The following SLC14A2 variants were observed in gnomAD, a reference collection of about 807,000 sequenced individuals.
The protein encoded by SLC14A2 is solute carrier family 14 member 2, also known as urea transporter 2.
SLC14A2 carries 91 observed loss-of-function variants against 104.6 expected under a neutral mutation model. The ratio of observed to expected loss-of-function variants is 0.87; its 90% CI spans 0.73 to 1.04. SLC14A2 has a LOEUF of 1.04. Ranked by LOEUF, SLC14A2 falls within the 50% of genes least tolerant of loss-of-function variation. SLC14A2 has a pLI of 0.00. For synonymous variants in SLC14A2, 476 were observed against 466.4 expected (o/e 1.02, Z -0.27); for missense variants, 1,189 against 1,156.0 (o/e 1.03, Z -0.41).
intron 2 of SLC14A2, among the ~76,000 whole-genome samples, chr18:45,524,145 A>C (rs2043557979): frequency 6.6e-6 from 1 of 152,202 alleles, no homozygotes; most frequent in African/African-American, 2.4e-5. Context: ...GTGGGTGCTC[A>C]ATAAGTGATC....
chr18:45,555,324 A>G (rs999474287), intron 2 of SLC14A2, among the ~76,000 whole-genome samples: 5 of 152,208 alleles, frequency 3.3e-5, no homozygotes, highest in Non-Finnish European at 7.3e-5. Flanking sequence ...TGACTTAACA[A>G]TGGTTTGACT....
At chr18:45,322,692 TCC>T (rs1391132219) in intron 1 of SLC14A2, among the ~76,000 whole-genome samples, 1 of 152,230 alleles carries the variant, frequency 6.6e-6, no homozygotes, top group East Asian at 1.9e-4. Context: ...AGGTATCTGG[TCC>T]ATTCCTCTCC....
chr18:45,385,528 A>G (rs2085886020), intron 1 of SLC14A2, among the ~76,000 whole-genome samples: 1 of 152,208 alleles, frequency 6.6e-6, no homozygotes, highest in Admixed American at 6.5e-5. Flanking sequence ...AAAACACAAT[A>G]GAGGGAGAGT....
chr18:45,254,733 G>T (rs1307092029), intron 1 of SLC14A2, among the ~76,000 whole-genome samples: 4 of 152,208 alleles, frequency 2.6e-5, no homozygotes, highest in East Asian at 3.9e-4. Context: ...AGTGGGGTGT[G>T]GGGGACCGTA....
chr18:45,284,408 C>T (rs761620371), intron 1 of SLC14A2, among the ~76,000 whole-genome samples: 1 of 152,108 alleles, frequency 6.6e-6, no homozygotes, highest in Admixed American at 6.5e-5. Context: ...TGTTTCTCCC[C>T]TCTCTGTGTT....
chr18:45,433,371 T>TCTTCC (rs1384435850), intron 1 of SLC14A2, among the ~76,000 whole-genome samples: 1 of 152,222 alleles, frequency 6.6e-6, no homozygotes. Context: ...CTACGTCCAC[T>TCTTCC]CTTCCCTTAT....
At chr18:45,445,679 AC>A (rs1197798267) in intron 1 of SLC14A2, among the ~76,000 whole-genome samples, 1 of 152,230 alleles carries the variant, frequency 6.6e-6, no homozygotes, top group Non-Finnish European at 1.5e-5. Flanking sequence ...TAGTGGCCCA[AC>A]AAGCTACAGA....
chr18:45,469,438 G>A (rs1354170100), intron 1 of SLC14A2, among the ~76,000 whole-genome samples: 2 of 152,178 alleles, frequency 1.3e-5, no homozygotes, highest in Non-Finnish European at 2.9e-5. Context: ...CAGAGAAGAG[G>A]AGCTCAGGGA....
intron 2 of SLC14A2, among the ~76,000 whole-genome samples, chr18:45,547,044 T>A (rs1462371629): frequency 6.6e-6 from 1 of 152,142 alleles, no homozygotes; most frequent in Non-Finnish European, 1.5e-5. Flanking sequence ...CAGAGAGCAC[T>A]TTTTAAACTC....
At chr18:45,499,914 T>C (rs958932945) in intron 2 of SLC14A2, among the ~76,000 whole-genome samples, 10 of 152,174 alleles carry the variant, frequency 6.6e-5, no homozygotes, top group Admixed American at 1.3e-4. Context: ...CTTCTTTGTC[T>C]CTCTCCACGT....
At chr18:45,581,332 G>T (rs2044488867) in intron 2 of SLC14A2, among the ~76,000 whole-genome samples, 1 of 152,184 alleles carries the variant, frequency 6.6e-6, no homozygotes, top group East Asian at 1.9e-4. Context: ...GGGACCCAGG[G>T]TCCTAGAGAG....
intron 1 of SLC14A2, among the ~76,000 whole-genome samples, chr18:45,383,794 C>A (rs1356950210): frequency 1.3e-5 from 2 of 152,090 alleles, no homozygotes; most frequent in East Asian, 1.9e-4. Flanking sequence ...TGAAAAATAA[C>A]CTTGCATGGC....
chr18:45,505,085 C>G (rs2043261092), intron 2 of SLC14A2, among the ~76,000 whole-genome samples: 1 of 152,074 alleles, frequency 6.6e-6, no homozygotes, highest in Admixed American at 6.5e-5. Context: ...TAAAGTGACT[C>G]TAGGATCAAA....
chr18:45,246,001 G>A (rs1400682715), intron 1 of SLC14A2, among the ~76,000 whole-genome samples: 1 of 151,366 alleles, frequency 6.6e-6, no homozygotes, highest in East Asian at 2.0e-4. Context: ...ATGGGGTTAT[G>A]GACTGAATTG....
intron 1 of SLC14A2, among the ~76,000 whole-genome samples, chr18:45,471,571 T>C (rs1200688592): frequency 6.6e-6 from 1 of 152,180 alleles, no homozygotes; most frequent in Non-Finnish European, 1.5e-5. Flanking sequence ...TATTTTATCT[T>C]CCATTTCTAT....
At chr18:45,358,839 A>C (rs1485238791) in intron 1 of SLC14A2, among the ~76,000 whole-genome samples, 1 of 151,736 alleles carries the variant, frequency 6.6e-6, no homozygotes, top group Non-Finnish European at 1.5e-5. Context: ...ATCTCCCACA[A>C]AGTGCTGGGA....
At chr18:45,388,549 T>C (rs2612577) in intron 1 of SLC14A2, among the ~76,000 whole-genome samples, 99,157 of 151,918 alleles carry the variant, frequency 0.65, 32,761 homozygotes, top group East Asian at 0.82. Context: ...TCGTCTGTTC[T>C]CTTCAGTGCC....
chr18:45,488,065 C>T (rs1368363379), intron 2 of SLC14A2, among the ~76,000 whole-genome samples: 5 of 152,262 alleles, frequency 3.3e-5, no homozygotes, highest in East Asian at 1.9e-4. Context: ...AACCTGATTA[C>T]AAAGTGGTCC....
chr18:45,218,896 T>TAAA (rs59483107), intron 1 of SLC14A2, among the ~76,000 whole-genome samples: 3 of 143,142 alleles, frequency 2.1e-5, no homozygotes, highest in African/African-American at 7.7e-5. Context: ...CTTGCTGCTT[T>TAAA]AAAAAAAAAA....
Sources: gnomAD v4.1 joint callset for allele counts (sites outside exome capture counted in the v4.1 genomes callset) on GRCh38, gnomAD v4.1.1 for gene constraint, MANE v1.5 for transcripts, NCBI Gene and HGNC (gene_info 2026-07-23, HGNC 2026-07-21) for gene names.